The following CSMD1 variants were observed in gnomAD, a reference collection of about 807,000 sequenced individuals.
CSMD1 encodes CUB and sushi domain-containing protein 1.
In CSMD1, 213 loss-of-function variants were observed where a neutral mutation model predicts 417.5. The observed-to-expected ratio is 0.51, with a 90% CI of 0.46 to 0.57. CSMD1 has a LOEUF of 0.57. CSMD1 is among the 20% of genes least tolerant of loss of function. The probability of loss-of-function intolerance (pLI) is 0.00; values close to 1 mark genes in which losing one functional copy is unlikely to be tolerated. For synonymous variants in CSMD1, 2,862 were observed against 1,736.8 expected, an observed-to-expected ratio of 1.65 and a Z score of -16.11; for missense variants, 6,923 against 4,529.7, an observed-to-expected ratio of 1.53 and a Z score of -15.17.
At chr8:3,978,515 C>G (rs891800631) in intron 5 of CSMD1, among the ~76,000 whole-genome samples, 1 of 152,098 alleles carries the variant, frequency 6.6e-6, no homozygotes, top group Non-Finnish European at 1.5e-5. Context: ...TACCACGCAG[C>G]CTGAAACACA....
At chr8:4,584,669 C>G (rs1449908529) in intron 2 of CSMD1, among the ~76,000 whole-genome samples, 1 of 152,066 alleles carries the variant, frequency 6.6e-6, no homozygotes, top group African/African-American at 2.4e-5. Context: ...ATGACCGGAA[C>G]TCTCAAAAGC....
chr8:3,974,526 A>C (rs978431035), intron 5 of CSMD1, among the ~76,000 whole-genome samples: 1 of 152,054 alleles, frequency 6.6e-6, no homozygotes, highest in Non-Finnish European at 1.5e-5. Flanking sequence ...CTTTCATAGT[A>C]GTTGTTTAGT....
chr8:3,972,960 C>G (rs1015018336), intron 5 of CSMD1, among the ~76,000 whole-genome samples: 1 of 152,150 alleles, frequency 6.6e-6, no homozygotes, highest in Admixed American at 6.5e-5. Flanking sequence ...ATAAAAATTA[C>G]TCACAATACT....
chr8:4,069,208 G>A (rs1799417014), intron 3 of CSMD1, among the ~76,000 whole-genome samples: 1 of 152,136 alleles, frequency 6.6e-6, no homozygotes, highest in African/African-American at 2.4e-5. Context: ...ATTGAGGCGT[G>A]AATGTAAAAT....
intron 5 of CSMD1, among the ~76,000 whole-genome samples, chr8:3,992,878 A>G (rs1168963259): frequency 1.3e-5 from 2 of 152,268 alleles, no homozygotes; most frequent in Non-Finnish European, 2.9e-5. Context: ...ATATTCATAA[A>G]CGATGTCACT....
At chr8:4,635,324 A>G (rs1195730351) in intron 2 of CSMD1, among the ~76,000 whole-genome samples, 1 of 152,142 alleles carries the variant, frequency 6.6e-6, no homozygotes, top group Admixed American at 6.5e-5. Flanking sequence ...TTCTAACTTA[A>G]TATTTCCGCT....
chr8:4,914,325 C>T (rs779921449), intron 1 of CSMD1, among the ~76,000 whole-genome samples: 15 of 151,936 alleles, frequency 9.9e-5, no homozygotes, highest in Non-Finnish European at 1.8e-4. Flanking sequence ...ACCTGTAATC[C>T]CAACACTTTG....
rs1812712561 is a variant in CSMD1 at position 3,411,683 on chromosome 8, TGTATATATACAC to T, written c.1562-2090_1562-2079del. 5.9e-4 allele frequency among the ~76,000 whole-genome samples: 38 copies of T among 64,256 alleles called. 2 individuals carry two copies. The highest frequency in any genetic ancestry group is 2.2e-3 in the African/African-American group (34 of 15,792). 42.2% of individuals were successfully genotyped at this position (64,256 alleles called of 152,430 possible). A position where few individuals can be genotyped will look rare whatever the true frequency, so the allele number is the denominator to read the frequency against. Reference sequence around the variant, plus strand: ...ATATATATATACGTGTATATATACGTGTATATATACACACGTATATATACACGTATATATACA... The same window carrying T: ...ATATATATATACGTGTATATATACGTACGTATATATACACGTATATATACA... On this transcript the variant is annotated intron_variant, in intron 12 of 69. Coordinates refer to ENST00000635120, the MANE Select transcript of CSMD1 (RefSeq NM_033225.6).
chr8:3,888,685 G>T (rs957475533), intron 5 of CSMD1, among the ~76,000 whole-genome samples: 1 of 152,130 alleles, frequency 6.6e-6, no homozygotes, highest in Non-Finnish European at 1.5e-5. Flanking sequence ...AGAGAAAGAG[G>T]CTGCCGGGAC....
At chr8:4,354,861 A>C (rs1180344041) in intron 3 of CSMD1, among the ~76,000 whole-genome samples, 1 of 105,858 alleles carries the variant, frequency 9.4e-6, no homozygotes, top group East Asian at 3.5e-4. Flanking sequence ...AATGAGGAAA[A>C]TGTAGTGTGT....
chr8:3,388,770 G>C (rs528221277), intron 17 of CSMD1, among the ~76,000 whole-genome samples: 1 of 152,024 alleles, frequency 6.6e-6, no homozygotes, highest in African/African-American at 2.4e-5. Flanking sequence ...TGGCAGGAAA[G>C]CCTCCTTCCA....
intron 3 of CSMD1, among the ~76,000 whole-genome samples, chr8:4,204,466 T>A (rs1338725894): frequency 6.6e-6 from 1 of 152,196 alleles, no homozygotes; most frequent in Non-Finnish European, 1.5e-5. Context: ...CCTGAGATTT[T>A]GTCAGCACTT....
rs186200581 is a variant in CSMD1, at chr8:3,350,089, A to G, written c.3305-1928T>C. Among the ~76,000 whole-genome samples the G allele has an allele frequency of 2.8e-3, 356 of 127,300 alleles. 4 individuals carry two copies. The highest frequency in any genetic ancestry group is 0.011 in the African/African-American group (329 of 29,980). 83.5% of individuals were successfully genotyped at this position (127,300 alleles called of 152,430 possible). ...TGTATGTGTGTGTTATAATACCTAT[A>G]ATAACCTATAATAACTTGTGTATGT... On this transcript the variant is annotated intron_variant, in intron 21 of 69. Coordinates refer to ENST00000635120, the MANE Select transcript of CSMD1 (RefSeq NM_033225.6).
At chr8:4,385,149 A>G (rs1448775744) in intron 3 of CSMD1, among the ~76,000 whole-genome samples, 1 of 113,690 alleles carries the variant, frequency 8.8e-6, no homozygotes, top group African/African-American at 3.7e-5. Context: ...CTGGTCTTGA[A>G]CTCCTGACCT....
Position 3,343,467 on chromosome 8 carries a change from G to T in CSMD1, c.3475-17C>A, listed in dbSNP as rs775438573. ...ATCATATACCTGATGAAAATTCACA[G>T]CATGAGTCCCTCTATGCCTTCACTG... On this transcript the variant is annotated splice_polypyrimidine_tract_variant and intron_variant, in intron 22 of 69. Coordinates refer to ENST00000635120, the MANE Select transcript of CSMD1 (RefSeq NM_033225.6). 2 of 1,608,148 alleles carry T rather than the reference G, an allele frequency of 1.2e-6. No homozygotes were observed.
intron 1 of CSMD1, among the ~76,000 whole-genome samples, chr8:4,887,554 A>C (rs995291541): frequency 6.6e-6 from 1 of 152,000 alleles, no homozygotes; most frequent in African/African-American, 2.4e-5. Flanking sequence ...TTTGTTAACG[A>C]AAGTGGGATA....
Position 3,594,571 on chromosome 8 carries a change from T to C in CSMD1, c.1098-8311A>G, listed in dbSNP as rs147638534. 1.3e-4 allele frequency among the ~76,000 whole-genome samples: 20 copies of C among 152,302 alleles called. No homozygotes were observed. In the East Asian group the frequency reaches 2.7e-3, roughly 21 times the overall value. ...TATTTCCATTACCATGGAGGCTATC[T>C]CCTACCTTCCTGTTTTGAAGTTGCA... On this transcript the variant is annotated intron_variant, in intron 8 of 69. Coordinates refer to ENST00000635120, the MANE Select transcript of CSMD1 (RefSeq NM_033225.6).
At chr8:4,959,274 TA>T (rs1263318732) in intron 1 of CSMD1, among the ~76,000 whole-genome samples, 1 of 152,174 alleles carries the variant, frequency 6.6e-6, no homozygotes, top group African/African-American at 2.4e-5. Flanking sequence ...TTGGAAAAGC[TA>T]AGTAGATATG....
In CSMD1 at chr8:2,974,604, C is replaced by G; in HGVS notation, c.8587G>C (p.Gly2863Arg). 2.5e-6 allele frequency: 4 copies of G among 1,608,608 alleles called. No individual in the cohort carries two copies. Among genetic ancestry groups the G allele is most frequent in the Non-Finnish European group, 3.4e-6 (4 of 1,177,410 alleles). The part of the protein sequence containing the change: ...KCLAISCGHP[G>R]VPANAVLTGE... Reference sequence around the variant, plus strand: ...GTGAGGACGGCGTTGGCAGGGACCCCTGGGTGTCCACACGATATAGCTTCA... The same window carrying G: ...GTGAGGACGGCGTTGGCAGGGACCCGTGGGTGTCCACACGATATAGCTTCA... Residue 2863 changes from glycine (G) to arginine (R), a missense_variant, in exon 56 of 70, where the codon GGG (glycine) becomes CGG (arginine). Coordinates refer to ENST00000635120, the MANE Select transcript of CSMD1 (RefSeq NM_033225.6).
Sources: allele counts gnomAD v4.1 joint callset (sites outside exome capture counted in the v4.1 genomes callset), GRCh38; gene constraint gnomAD v4.1.1; transcripts MANE v1.5; gene names NCBI Gene and HGNC (gene_info 2026-07-23, HGNC 2026-07-21).